Variants in STARD9 observed in about 807,000 individuals in gnomAD.
STARD9 encodes StAR related lipid transfer domain containing 9.
A neutral mutation model predicts 399.8 loss-of-function variants in STARD9; 346 were observed. The observed-to-expected ratio is 0.87, with a 90% CI of 0.79 to 0.95. The LOEUF (loss-of-function observed/expected upper bound fraction) is 0.95. Among genes scored for constraint, STARD9 ranks in the 40% least tolerant of loss-of-function variants. STARD9 has a pLI of 0.00. For missense variants in STARD9, 5,832 were observed against 5,667.5 expected, an observed-to-expected ratio of 1.03 and a Z score of -0.93; for synonymous variants, 2,203 against 2,143.5, an observed-to-expected ratio of 1.03 and a Z score of -0.77.
chr15:42,603,361 C>T (rs1018261053), intron 3 of STARD9, among the ~76,000 whole-genome samples: 2 of 151,972 alleles, frequency 1.3e-5, no homozygotes, highest in Non-Finnish European at 2.9e-5. Flanking sequence ...ACCCTGTGAT[C>T]CTCTCAGCCT....
intron 3 of STARD9, among the ~76,000 whole-genome samples, chr15:42,623,285 C>T (rs2059128827): frequency 6.6e-6 from 1 of 152,048 alleles, no homozygotes; most frequent in Non-Finnish European, 1.5e-5. Context: ...AATGCCAACA[C>T]TGCTATGAAT....
chr15:42,658,064 T>C (rs2059910663), intron 9 of STARD9, among the ~76,000 whole-genome samples: 1 of 152,202 alleles, frequency 6.6e-6, no homozygotes, highest in Non-Finnish European at 1.5e-5. Flanking sequence ...AGGCGAAGGT[T>C]TTATAGATAT....
At chr15:42,711,925 T>C (rs1206505030) in intron 26 of STARD9, among the ~76,000 whole-genome samples, 2 of 147,426 alleles carry the variant, frequency 1.4e-5, no homozygotes, top group African/African-American at 5.0e-5. Context: ...GAGCAGTATA[T>C]GAGCAGTGTG....
intron 3 of STARD9, among the ~76,000 whole-genome samples, chr15:42,588,691 C>T (rs192149338): frequency 2.5e-4 from 36 of 145,988 alleles, no homozygotes; most frequent in African/African-American, 9.1e-4. Context: ...CCACCACGGA[C>T]GGGTAAGAAA....
At chr15:42,592,038 C>T (rs143810017) in intron 3 of STARD9, among the ~76,000 whole-genome samples, 34 of 152,318 alleles carry the variant, frequency 2.2e-4, no homozygotes, top group African/African-American at 7.7e-4. Context: ...CTAAACCTCA[C>T]TGACTCTCAA....
In STARD9 at chr15:42,685,399, C is replaced by A; in HGVS notation, c.3821C>A (p.Ser1274Ter). ...RLDAVLPMSS[S>*]FYLDPQFQPH... ...GATGCCGTCCTGCCAATGAGCAGTT[C>A]GTTTTACCTTGATCCTCAGTTCCAA... Residue 1274 changes from serine to a stop codon, truncating the protein, a stop_gained, in exon 23 of 33, where the codon TCG (serine) becomes TAG (stop). Transcript: ENST00000290607. LOFTEE classifies it high-confidence loss of function. The A allele has an allele frequency of 6.5e-7, 1 of 1,536,624 alleles. No individual in the cohort carries two copies. The highest frequency in any genetic ancestry group is 8.7e-7 in the Non-Finnish European group (1 of 1,146,664).
intron 3 of STARD9, among the ~76,000 whole-genome samples, chr15:42,609,546 T>A (rs1566871507): frequency 2.6e-5 from 4 of 151,914 alleles, no homozygotes. Flanking sequence ...TTCAAGCAAT[T>A]CTCCTGCTGC....
chr15:42,665,065 CTG>C (rs1420110789), intron 13 of STARD9, among the ~76,000 whole-genome samples, 186 bp from the exon 14 acceptor site: 1 of 152,104 alleles, frequency 6.6e-6, no homozygotes, highest in Non-Finnish European at 1.5e-5. Flanking sequence ...GTGGGCCAAA[CTG>C]TGCGTTTCTA....
chr15:42,692,672 C>G lies in STARD9; in HGVS notation c.11094C>G (p.Leu3698=), dbSNP rs1297259123. 1 of 1,537,084 alleles carries G rather than the reference C, an allele frequency of 6.5e-7. No homozygotes were observed. The highest frequency in any genetic ancestry group is 1.4e-5 in the African/African-American group (1 of 73,036). ...LHSTSELLGS[L]SQPDVARREQ... is the part of the protein sequence containing the mutation. Reference sequence around the variant, plus strand: ...GTACCTCAGAGCTGCTTGGGAGTCTCTCCCAGCCAGATGTGGCCAGAAGGG... The same window carrying G: ...GTACCTCAGAGCTGCTTGGGAGTCTGTCCCAGCCAGATGTGGCCAGAAGGG... The change falls in exon 23 of 33, where the codon CTC becomes CTG. Residue 3698 remains leucine, a synonymous_variant. Coordinates refer to ENST00000290607, the MANE Select transcript of STARD9 (RefSeq NM_020759.3).
At chr15:42,668,172 G>A (rs1465815950) in intron 15 of STARD9, among the ~76,000 whole-genome samples, 1 of 152,098 alleles carries the variant, frequency 6.6e-6, no homozygotes, top group Non-Finnish European at 1.5e-5. Context: ...TGAACTGTAA[G>A]CCAGAGTGTC....
Position 42,685,999 on chromosome 15 carries a change from C to T in STARD9, c.4421C>T (p.Thr1474Ile), listed in dbSNP as rs1266644666. 1.3e-6 allele frequency: 2 copies of T among 1,537,204 alleles called. No homozygotes were observed. The highest frequency in any genetic ancestry group is 2.0e-5 in the Admixed American group (1 of 50,982). ...CTGGCTGCCTCTGCCACCACCTTGA[C>T]TCATGTAGGCAGCACCCATGAAAGG... ...NVLAASATTLTHVGSTHERDW... is the reference protein window; with the variant it reads ...NVLAASATTLIHVGSTHERDW... Residue 1474 changes from threonine (T) to isoleucine (I), a missense_variant, in exon 23 of 33, where the codon ACT (threonine) becomes ATT (isoleucine). By Grantham distance (89) the Thr-to-Ile change is moderately conservative (BLOSUM62 -1). Coordinates refer to ENST00000290607, the MANE Select transcript of STARD9 (RefSeq NM_020759.3).
intron 28 of STARD9, 75 bp downstream of exon 28, chr15:42,717,123 G>A: frequency 6.7e-7 from 1 of 1,496,976 alleles, no homozygotes. Context: ...AGAGAAAGTA[G>A]GAAAAAAGCT....
At chr15:42,718,579 C>T (rs1214202358) in intron 31 of STARD9, 65 bp downstream of exon 31, 1 of 1,481,462 alleles carries the variant, frequency 6.8e-7, no homozygotes, top group Non-Finnish European at 9.1e-7. Flanking sequence ...GAGAAACAAT[C>T]TATGTGGGCC....
intron 15 of STARD9, among the ~76,000 whole-genome samples, chr15:42,668,102 T>A (rs1489985353): frequency 2.6e-5 from 4 of 152,180 alleles, no homozygotes; most frequent in African/African-American, 9.7e-5. Flanking sequence ...CTGTATGATC[T>A]TAGGCAGTGT....
chr15:42,673,489 G>A (rs1566923164), intron 16 of STARD9, among the ~76,000 whole-genome samples: 1 of 152,178 alleles, frequency 6.6e-6, no homozygotes. Context: ...TTAGGATCCA[G>A]AGAGACCTGA....
rs957771103 is a variant in STARD9, at chr15:42,684,529, G to T, written c.2951G>T (p.Ser984Ile). ...GGGGCGAAGGGACTAGCAGACCCTA[G>T]CCACACACAAGCTGGGTGGCGAAAA... The part of the protein sequence containing the change: ...TRGAKGLADP[S>I]HTQAGWRKEG... The change falls in exon 23 of 33, where the codon AGC (serine) becomes ATC (isoleucine). Residue 984 changes from serine to isoleucine, a missense_variant. Ser to Ile is a moderately radical substitution (Grantham distance 142, BLOSUM62 -2). Coordinates refer to ENST00000290607, the MANE Select transcript of STARD9 (RefSeq NM_020759.3). The T allele has an allele frequency of 6.5e-7, 1 of 1,537,144 alleles. No homozygotes were observed. Among genetic ancestry groups the T allele is most frequent in the African/African-American group, 1.4e-5 (1 of 73,068 alleles).
chr15:42,609,987 C>G (rs56259159), intron 3 of STARD9, among the ~76,000 whole-genome samples: 6 of 151,746 alleles, frequency 4.0e-5, no homozygotes, highest in Non-Finnish European at 8.8e-5. Context: ...CAGCTACTCG[C>G]GAGGCTGAGG....
Position 42,719,848 on chromosome 15 carries a change from CCTTT to C in STARD9, c.*280_*283del, listed in dbSNP as rs1198803782. The C allele has an allele frequency of 1.4e-5, 5 of 359,172 alleles. No individual in the cohort carries two copies. The highest frequency in any genetic ancestry group is 5.0e-6 in the Non-Finnish European group (1 of 198,136). The allele number at this position is 359,172 out of a possible 1,614,324, so 22.2% of individuals were successfully genotyped here. ...CTCCGCTCACCTTTTGGATTTCTCACCTTTCTTTCCTGTTTCTGGGACTCTGCGG... is the reference window on the plus strand; with the variant it reads ...CTCCGCTCACCTTTTGGATTTCTCACCTTTCCTGTTTCTGGGACTCTGCGG... On this transcript the variant is annotated 3_prime_UTR_variant, in exon 33 of 33. Coordinates refer to ENST00000290607, the MANE Select transcript of STARD9 (RefSeq NM_020759.3).
chr15:42,627,893 G>A (rs1488952560), intron 3 of STARD9, among the ~76,000 whole-genome samples: 2 of 152,198 alleles, frequency 1.3e-5, no homozygotes, highest in Non-Finnish European at 2.9e-5. Context: ...AAACATGGGA[G>A]TGCAGATACC....
Sources: gnomAD v4.1 joint callset for allele counts (sites outside exome capture counted in the v4.1 genomes callset) on GRCh38, gnomAD v4.1.1 for gene constraint, MANE v1.5 for transcripts, NCBI Gene and HGNC (gene_info 2026-07-23, HGNC 2026-07-21) for gene names.